Variants in PDXDC1 observed in about 807,000 individuals in gnomAD.
The protein encoded by PDXDC1 is pyridoxal dependent decarboxylase domain containing 1.
Under a neutral mutation model 100.1 loss-of-function variants are expected in PDXDC1, and 42 were observed. The ratio of observed to expected loss-of-function variants is 0.42; its 90% CI spans 0.33 to 0.54. PDXDC1 has a LOEUF of 0.54. Ranked by LOEUF, PDXDC1 falls within the 20% of genes least tolerant of loss-of-function variation. The pLI is 0.10. For synonymous variants in PDXDC1, 260 were observed against 371.7 expected, an observed-to-expected ratio of 0.70 and a Z score of 3.46; for missense variants, 636 against 979.2, an observed-to-expected ratio of 0.65 and a Z score of 4.68.
chr16:15,044,474 G>C lies in PDXDC1; in HGVS notation c.1399+14418G>C, dbSNP rs542011111. The C allele has an allele frequency of 1.2e-5, 12 of 1,022,156 alleles. No homozygotes were observed. The Admixed American group carries it at 1.7e-4, about 15-fold the overall frequency. 63.3% of individuals were successfully genotyped at this position (1,022,156 alleles called of 1,614,324 possible). On this transcript the variant is annotated intron_variant, in intron 16 of 16. Coordinates refer to the PDXDC1 transcript ENST00000535621. ...CCGGTGCGTGCGCTGGTCTCACTTT[G>C]AACTTTCATTCTCAGTTTCCATGAA...
At chr16:15,086,534 T>C (rs1251132760) in intron 16 of PDXDC1, 1 of 1,580,954 alleles carries the variant, frequency 6.3e-7, no homozygotes, top group African/African-American at 1.4e-5. Flanking sequence ...ATATCAATCA[T>C]TTATCAAGAA....
chr16:15,003,508 G>A (rs182538564), intron 4 of PDXDC1, among the ~76,000 whole-genome samples: 1,456 of 151,846 alleles, frequency 9.6e-3, no homozygotes, highest in South Asian at 0.045. Flanking sequence ...GAGCCACTGC[G>A]CCTGGCCAGG....
chr16:15,026,508 A>C, intron 13 of PDXDC1, 135 bp from the exon 14 acceptor site: 1 of 773,750 alleles, frequency 1.3e-6, no homozygotes, highest in East Asian at 2.8e-5. Flanking sequence ...TAGCAACTGA[A>C]ATTAACCTCT....
Position 15,009,732 on chromosome 16 carries a change from C to G in PDXDC1, c.700C>G (p.Leu234Val). The G allele has an allele frequency of 6.2e-7, 1 of 1,613,994 alleles. No homozygotes were observed. Among genetic ancestry groups the G allele is most frequent in the East Asian group, 2.2e-5 (1 of 44,888 alleles). The change falls in exon 8 of 23, where the codon CTG becomes GTG. Residue 234 changes from leucine to valine, a missense_variant. Coordinates refer to ENST00000396410, the MANE Select transcript of PDXDC1 (RefSeq NM_015027.4). ...LIKDDIERGR[L>V]PLLLVANAGT... is the part of the protein sequence containing the mutation. ...TAAAGATGATATAGAGCGAGGAAGA[C>G]TGCCCCTGTTGCTTGTCGCAAATGC... is the stretch of plus-strand genomic sequence containing the variant.
chr16:15,143,030 C>T (rs1009265500), downstream of PDXDC1, among the ~76,000 whole-genome samples: 8 of 152,092 alleles, frequency 5.3e-5, no homozygotes, highest in African/African-American at 9.7e-5. Flanking sequence ...GATGGGTGCC[C>T]GAGGGCCAGG....
At chr16:15,053,212 G>T (rs1317852806) in intron 16 of PDXDC1, among the ~76,000 whole-genome samples, 3 of 152,232 alleles carry the variant, frequency 2.0e-5, no homozygotes, top group Non-Finnish European at 4.4e-5. Flanking sequence ...AGGCTGCCAG[G>T]GTTCCAATCC....
intron 16 of PDXDC1, among the ~76,000 whole-genome samples, chr16:15,082,741 T>C (rs1412887668): frequency 6.6e-6 from 1 of 152,090 alleles, no homozygotes; most frequent in Admixed American, 6.6e-5. Context: ...GGTACATAAT[T>C]CTTTTTGTAT....
At chr16:14,996,642 C>T (rs1972042988) in intron 1 of PDXDC1, among the ~76,000 whole-genome samples, 1 of 152,258 alleles carries the variant, frequency 6.6e-6, no homozygotes, top group South Asian at 2.1e-4. Context: ...ATAACTTGAG[C>T]TCAGGAGTTT....
chr16:15,061,330 C>T (rs2044702331), intron 16 of PDXDC1: 1 of 176,378 alleles, frequency 5.7e-6, no homozygotes, highest in South Asian at 2.0e-4. Context: ...GGATTCTTCA[C>T]TGAAAGCTCA....
At chr16:15,061,554 G>T in intron 16 of PDXDC1, 1 of 482,516 alleles carries the variant, frequency 2.1e-6, no homozygotes. Flanking sequence ...TTGTCTGTAA[G>T]GGGAACAACA....
Position 14,997,947 on chromosome 16 carries a change from C to G in PDXDC1, c.95+121C>G, listed in dbSNP as rs1644633620. 2.8e-6 allele frequency: 3 copies of G among 1,073,374 alleles called. No individual in the cohort carries two copies. In the Admixed American group the frequency reaches 9.1e-5, roughly 32 times the overall value. The allele number at this position is 1,073,374 out of a possible 1,614,324, so 66.5% of individuals were successfully genotyped here. On this transcript the variant is annotated intron_variant, in intron 2 of 22. Coordinates refer to ENST00000396410, the MANE Select transcript of PDXDC1 (RefSeq NM_015027.4). ...CAGTGTCACACACAGCTTTGGCTGA[C>G]TTGAAAATTGGTATTTGTCTTGGGT...
At chr16:15,147,557 C>A in the PDXDC1 span, among the ~76,000 whole-genome samples, 2 of 152,170 alleles carry the variant, frequency 1.3e-5, no homozygotes, top group South Asian at 2.1e-4. Flanking sequence ...GACAGAGTTT[C>A]ACTCTGTCTC....
At position 15,068,103 on chromosome 16, in the gene PDXDC1, A is replaced by T. The variant is rs1164572051; in HGVS notation, c.1399+38047A>T. The T allele has an allele frequency of 1.7e-5, 25 of 1,501,764 alleles. No homozygotes were observed. In the East Asian group the frequency reaches 5.9e-4, roughly 36 times the overall value. The allele number at this position is 1,501,764 out of a possible 1,614,324, so 93.0% of individuals were successfully genotyped here. On this transcript the variant is annotated intron_variant, in intron 16 of 16. Coordinates refer to the PDXDC1 transcript ENST00000535621. ...TTTCATAGAAATTTAACACTCTTAC[A>T]ATACTAGATAAACATAAATAAAAAT...
At chr16:15,066,296 G>A (rs1224407513) in intron 16 of PDXDC1, among the ~76,000 whole-genome samples, 1 of 152,106 alleles carries the variant, frequency 6.6e-6, no homozygotes. Context: ...GTGTGACAAG[G>A]AAGCATGTGC....
intron 16 of PDXDC1, chr16:15,061,630 A>G (rs1400870445): frequency 1.1e-6 from 1 of 937,676 alleles, no homozygotes; most frequent in Non-Finnish European, 1.6e-6. Context: ...CAGCCGAGGC[A>G]GGCACTCGCT....
chr16:15,088,113 T>C (rs568042190), intron 16 of PDXDC1, among the ~76,000 whole-genome samples: 7 of 150,990 alleles, frequency 4.6e-5, no homozygotes, highest in Non-Finnish European at 1.0e-4. Context: ...CAAAACTCCG[T>C]CTCAAAAAGA....
Position 15,006,484 on chromosome 16 carries a change from C to G in PDXDC1, c.480C>G (p.Asp160Glu), listed in dbSNP as rs765093519. The stretch of plus-strand genomic sequence containing the variant: ...TTGCCATTCATTCTCGATATGAAGA[C>G]TTCGTAGTGGATGGCTTCAATGTGT... ...CRLAIHSRYE[D>E]FVVDGFNVLY... The change falls in exon 6 of 23, where the codon GAC becomes GAG. Residue 160 changes from aspartate to glutamate, a missense_variant. Physicochemically the swap from Asp to Glu is conservative, Grantham distance 45. Coordinates refer to ENST00000396410, the MANE Select transcript of PDXDC1 (RefSeq NM_015027.4). The G allele has an allele frequency of 1.9e-6, 3 of 1,610,676 alleles. No individual in the cohort carries two copies. The highest frequency in any genetic ancestry group is 4.5e-5 in the East Asian group (2 of 44,610).
At chr16:15,071,683 G>A (rs1332550201) in intron 16 of PDXDC1, among the ~76,000 whole-genome samples, 9 of 152,098 alleles carry the variant, frequency 5.9e-5, no homozygotes, top group Middle Eastern at 3.4e-3. Flanking sequence ...CAGGAGAATC[G>A]CTTGAACCCA....
intron 16 of PDXDC1, among the ~76,000 whole-genome samples, chr16:15,085,040 T>G (rs555585684): frequency 2.6e-5 from 4 of 151,590 alleles, no homozygotes; most frequent in Admixed American, 2.6e-4. Context: ...TACTCCAGCC[T>G]GGGCAACAGA....
Sources: gnomAD v4.1 joint callset for allele counts (sites outside exome capture counted in the v4.1 genomes callset) on GRCh38, gnomAD v4.1.1 for gene constraint, MANE v1.5 for transcripts, NCBI Gene and HGNC (gene_info 2026-07-23, HGNC 2026-07-21) for gene names.